The following EXOC6B variants were observed in gnomAD, a reference collection of about 807,000 sequenced individuals.
The protein encoded by EXOC6B is exocyst complex component 6B.
A neutral mutation model predicts 113.5 loss-of-function variants in EXOC6B; 54 were observed. The ratio of observed to expected loss-of-function variants is 0.48; its 90% confidence interval spans 0.38 to 0.60. EXOC6B has a LOEUF of 0.60. EXOC6B is among the 20% of genes least tolerant of loss of function. EXOC6B has a pLI of 0.00. For missense variants in EXOC6B, 797 were observed against 977.5 expected (o/e 0.82, Z 2.46); for synonymous variants, 357 against 339.0 (o/e 1.05, Z -0.58).
At chr2:72,369,350 C>A (rs371596316) in intron 19 of EXOC6B, among the ~76,000 whole-genome samples, 2 of 151,982 alleles carry the variant, frequency 1.3e-5, no homozygotes, top group Admixed American at 6.6e-5. Context: ...CACTGCTCAA[C>A]GAAATAAAAG....
chr2:72,594,342 G>A (rs1360655698), intron 6 of EXOC6B, among the ~76,000 whole-genome samples: 1 of 152,032 alleles, frequency 6.6e-6, no homozygotes, highest in African/African-American at 2.4e-5. Flanking sequence ...TCAGAAAATG[G>A]AGGAGAACAG....
rs372719061 is a variant in EXOC6B at position 72,718,259 on chromosome 2, C to T, written c.513G>A (p.Leu171=). The change falls in exon 6 of 22, where the codon CTG becomes CTA. Residue 171 remains leucine, a synonymous_variant. Transcript: ENST00000272427. ...KTLEHLEHTY[L]PQVSHYRFCK... ...AGAATCGATAGTGGCTTACTTGAGG[C>T]AGGTAGGTATGCTCTAGATGTTCCA... 2.5e-5 allele frequency: 40 copies of T among 1,613,684 alleles called. No homozygotes were observed. Among genetic ancestry groups the T allele is most frequent in the Non-Finnish European group, 3.1e-5 (36 of 1,179,778 alleles).
intron 19 of EXOC6B, among the ~76,000 whole-genome samples, chr2:72,373,995 C>T (rs967660288): frequency 2.0e-5 from 3 of 152,032 alleles, no homozygotes; most frequent in African/African-American, 7.2e-5. Context: ...GGTAGTTAAG[C>T]CTGGGAGGCA....
intron 8 of EXOC6B, among the ~76,000 whole-genome samples, chr2:72,533,597 T>A (rs1356268351): frequency 7.2e-5 from 11 of 152,216 alleles, no homozygotes; most frequent in Admixed American, 7.2e-4. Flanking sequence ...GTGGTTTATA[T>A]GACTGTCTTT....
chr2:72,823,658 G>A (rs1402031311), intron 1 of EXOC6B, among the ~76,000 whole-genome samples: 1 of 151,582 alleles, frequency 6.6e-6, no homozygotes, highest in African/African-American at 2.4e-5. Flanking sequence ...GGTGGCGAAC[G>A]CCTGTAGTCC....
chr2:72,277,297 A>G (rs1040723843), intron 20 of EXOC6B, among the ~76,000 whole-genome samples: 1 of 152,126 alleles, frequency 6.6e-6, no homozygotes, highest in Non-Finnish European at 1.5e-5. Context: ...TGATTTCCAA[A>G]TTGCAATAAT....
chr2:72,750,181 C>T (rs1472614394), intron 1 of EXOC6B, among the ~76,000 whole-genome samples: 1 of 151,842 alleles, frequency 6.6e-6, no homozygotes, highest in Non-Finnish European at 1.5e-5. Flanking sequence ...TGCTGATACC[C>T]CATGGCCAAA....
In EXOC6B at chr2:72,786,148, A is replaced by G. The variant is rs144717576; in HGVS notation, c.113+39650T>C. On this transcript the variant is annotated intron_variant, in intron 1 of 21. Transcript: ENST00000272427. ...GCTTTTCTAAACAATGAAAGTTAAT[A>G]TACAGAAAATATTGAAAGAATCGTA... is the stretch of plus-strand genomic sequence containing the variant. 3.5e-3 allele frequency among the ~76,000 whole-genome samples: 533 copies of G among 152,358 alleles called. 8 individuals are homozygous for G. The highest frequency in any genetic ancestry group is 0.013 in the African/African-American group (520 of 41,584).
intron 18 of EXOC6B, among the ~76,000 whole-genome samples, chr2:72,420,176 A>G (rs1694784724): frequency 6.6e-6 from 1 of 151,720 alleles, no homozygotes; most frequent in Admixed American, 6.6e-5. Flanking sequence ...TAATATTTCC[A>G]TTTTTTCCAT....
At chr2:72,304,035 G>C (rs888790719) in intron 20 of EXOC6B, among the ~76,000 whole-genome samples, 2 of 152,176 alleles carry the variant, frequency 1.3e-5, no homozygotes, top group African/African-American at 4.8e-5. Flanking sequence ...CTGCTTCCCT[G>C]GGTGGGGGAG....
intron 1 of EXOC6B, among the ~76,000 whole-genome samples, chr2:72,814,060 C>G (rs1686075996): frequency 6.6e-6 from 1 of 152,102 alleles, no homozygotes; most frequent in Admixed American, 6.5e-5. Context: ...CAGTATGCCA[C>G]TACACAATAT....
At chr2:72,507,911 T>C (rs1004917439) in intron 11 of EXOC6B, among the ~76,000 whole-genome samples, 1 of 149,516 alleles carries the variant, frequency 6.7e-6, no homozygotes, top group Non-Finnish European at 1.5e-5. Flanking sequence ...AGAGATCTGT[T>C]ACATTCCCAA....
intron 20 of EXOC6B, among the ~76,000 whole-genome samples, chr2:72,325,415 C>T (rs957873918): frequency 2.0e-5 from 3 of 151,938 alleles, no homozygotes; most frequent in African/African-American, 7.3e-5. Context: ...GATCGATCTC[C>T]CTAACTGTAC....
intron 18 of EXOC6B, among the ~76,000 whole-genome samples, chr2:72,433,543 G>A (rs975192142): frequency 7.2e-5 from 11 of 152,162 alleles, no homozygotes; most frequent in African/African-American, 2.4e-4. Context: ...CATAAGCATG[G>A]AATGTGTTTC....
chr2:72,630,326 G>A (rs912060588), intron 6 of EXOC6B, among the ~76,000 whole-genome samples: 2 of 152,072 alleles, frequency 1.3e-5, no homozygotes, highest in Non-Finnish European at 2.9e-5. Context: ...TAGAAATTAG[G>A]AGAATTCACA....
intron 19 of EXOC6B, among the ~76,000 whole-genome samples, chr2:72,344,795 T>C (rs1334278320): frequency 6.7e-6 from 1 of 150,034 alleles, no homozygotes; most frequent in Admixed American, 6.7e-5. Flanking sequence ...GGCTCCCAAA[T>C]GGGGAAAAAG....
At chr2:72,512,891 T>G (rs1321236361) in intron 11 of EXOC6B, among the ~76,000 whole-genome samples, 1 of 152,026 alleles carries the variant, frequency 6.6e-6, no homozygotes, top group African/African-American at 2.4e-5. Context: ...GTCTGACACA[T>G]AGAGAGAATA....
intron 16 of EXOC6B, among the ~76,000 whole-genome samples, chr2:72,485,344 G>C (rs1371853363): frequency 1.3e-5 from 2 of 152,152 alleles, no homozygotes; most frequent in African/African-American, 4.8e-5. Context: ...AGACAATTCA[G>C]TACAATAAAC....
Position 72,467,946 on chromosome 2 carries a change from T to C in EXOC6B, c.1801-2607A>G, listed in dbSNP as rs532127127. ...CCACTATGCCTGGCTAATTTTTGTA[T>C]ATTTAGTAGACATTGTGTTTCACCA... On this transcript the variant is annotated intron_variant, in intron 17 of 21. Coordinates refer to ENST00000272427, the MANE Select transcript of EXOC6B (RefSeq NM_015189.3). Among the ~76,000 whole-genome samples, 5 of 152,148 alleles carry C rather than the reference T, an allele frequency of 3.3e-5. No homozygotes were observed. The South Asian group carries it at 8.3e-4, about 25-fold the overall frequency.
Sources: allele counts gnomAD v4.1 joint callset (sites outside exome capture counted in the v4.1 genomes callset), GRCh38; gene constraint gnomAD v4.1.1; transcripts MANE v1.5; gene names NCBI Gene and HGNC (gene_info 2026-07-23, HGNC 2026-07-21).